Variants in HCN1 observed in about 807,000 individuals in gnomAD.
HCN1 encodes the protein potassium/sodium hyperpolarization-activated cyclic nucleotide-gated channel 1.
In HCN1, 13 loss-of-function variants were observed where a neutral mutation model predicts 78.9. The ratio of observed to expected loss-of-function variants is 0.16; its 90% confidence interval spans 0.11 to 0.26. HCN1 has a LOEUF of 0.26. Ranked by LOEUF, HCN1 falls within the 10% of genes least tolerant of loss-of-function variation. The pLI is 1.00. For missense variants in HCN1, 810 were observed against 1,154.3 expected (o/e 0.70, Z 4.32); for synonymous variants, 552 against 455.5 (o/e 1.21, Z -2.70).
chr5:45,326,178 C>T (rs1746230257), intron 5 of HCN1, among the ~76,000 whole-genome samples: 3 of 151,544 alleles, frequency 2.0e-5, no homozygotes. Context: ...CATGCCTGTA[C>T]TAAAACATCT....
At chr5:45,450,196 AT>A (rs1195377456) in intron 3 of HCN1, among the ~76,000 whole-genome samples, 7 of 152,208 alleles carry the variant, frequency 4.6e-5, no homozygotes, top group African/African-American at 1.7e-4. Context: ...GATAAGCTTC[AT>A]ATTATTTCTG....
chr5:45,360,596 T>C (rs1009204842), intron 4 of HCN1, among the ~76,000 whole-genome samples: 6 of 152,166 alleles, frequency 3.9e-5, no homozygotes, highest in African/African-American at 1.4e-4. Flanking sequence ...AGAACTATGC[T>C]ATAAACACAG....
chr5:45,647,266 C>T (rs1238906514), intron 1 of HCN1, among the ~76,000 whole-genome samples: 1 of 152,128 alleles, frequency 6.6e-6, no homozygotes, highest in African/African-American at 2.4e-5. Flanking sequence ...TATCTTCTCA[C>T]AATGGAAATG....
rs368602775 is a variant in HCN1, at chr5:45,278,790, A to C, written c.1619-11537T>G. On this transcript the variant is annotated intron_variant, in intron 6 of 7. Coordinates refer to ENST00000303230, the MANE Select transcript of HCN1 (RefSeq NM_021072.4). ...TTATATATCTTATTCAGAATGAGTT[A>C]AATTTGGAAAAGAGGCTTGTTTTGA... is the stretch of plus-strand genomic sequence containing the variant. 7.2e-5 allele frequency among the ~76,000 whole-genome samples: 11 copies of C among 152,206 alleles called. No homozygotes were observed. The East Asian group carries it at 1.7e-3, about 24-fold the overall frequency.
intron 3 of HCN1, among the ~76,000 whole-genome samples, chr5:45,419,505 G>A (rs1233913268): frequency 6.6e-6 from 1 of 152,152 alleles, no homozygotes; most frequent in Non-Finnish European, 1.5e-5. Flanking sequence ...CAGTGTTTCT[G>A]TTACCTAAGA....
intron 5 of HCN1, among the ~76,000 whole-genome samples, chr5:45,310,270 C>A (rs757371995): frequency 6.6e-6 from 1 of 151,840 alleles, no homozygotes; most frequent in African/African-American, 2.4e-5. Flanking sequence ...GTGTATCTGA[C>A]AAATGCCTAA....
chr5:45,373,391 A>AAT (rs1197869529), intron 4 of HCN1, among the ~76,000 whole-genome samples: 1 of 105,146 alleles, frequency 9.5e-6, no homozygotes, highest in Non-Finnish European at 1.7e-5. Flanking sequence ...AATATATGTA[A>AAT]ATATATATTA....
At position 45,353,064 on chromosome 5, in the gene HCN1, TTA is replaced by T. The variant is rs765755003; in HGVS notation, c.1377+34_1377+35del. The T allele has an allele frequency of 3.5e-5, 54 of 1,533,418 alleles. 1 individual carries two copies. The Admixed American group carries it at 8.9e-4, about 25-fold the overall frequency. The allele number at this position is 1,533,418 out of a possible 1,614,324, so 95.0% of individuals were successfully genotyped here. A position where few individuals can be genotyped will look rare whatever the true frequency, so the allele number is the denominator to read the frequency against. On this transcript the variant is annotated intron_variant, in intron 5 of 7. Transcript: ENST00000303230. The stretch of plus-strand genomic sequence containing the variant: ...CATGAAGAGAGAAAATAAACAATGA[TTA>T]TGTATTATGCATACTGAGGACAATA...
chr5:45,263,523 G>A (rs1267190404), intron 7 of HCN1, among the ~76,000 whole-genome samples: 5 of 152,198 alleles, frequency 3.3e-5, no homozygotes, highest in Non-Finnish European at 7.3e-5. Flanking sequence ...ATCAGATGTT[G>A]CATTTTACTA....
At chr5:45,648,414 T>G (rs930780989) in intron 1 of HCN1, among the ~76,000 whole-genome samples, 1 of 152,126 alleles carries the variant, frequency 6.6e-6, no homozygotes, top group Non-Finnish European at 1.5e-5. Flanking sequence ...TCAATACCAG[T>G]AGGAAACTCT....
At chr5:45,530,109 G>A (rs1742807521) in intron 2 of HCN1, among the ~76,000 whole-genome samples, 1 of 152,104 alleles carries the variant, frequency 6.6e-6, no homozygotes, top group Admixed American at 6.6e-5. Context: ...AGAAGTCAGA[G>A]TATTTGGGTT....
chr5:45,560,107 T>G (rs186170595), intron 2 of HCN1: 2 of 152,238 alleles, frequency 1.3e-5, no homozygotes, highest in African/African-American at 4.8e-5. Context: ...ACACGTAACT[T>G]TTTTATATAC....
chr5:45,647,417 G>A (rs1745570256), intron 1 of HCN1, among the ~76,000 whole-genome samples: 6 of 152,028 alleles, frequency 3.9e-5, no homozygotes, highest in Admixed American at 3.9e-4. Context: ...TCACTTCTGG[G>A]CACTCCTATC....
At chr5:45,439,384 G>A (rs1036623010) in intron 3 of HCN1, among the ~76,000 whole-genome samples, 14 of 151,774 alleles carry the variant, frequency 9.2e-5, no homozygotes, top group African/African-American at 3.1e-4. Context: ...ATATTATTGG[G>A]GATATGTAAT....
chr5:45,530,412 T>TATATA lies in HCN1; in HGVS notation c.850-68406_850-68405insTATAT, dbSNP rs1554031207. Among the ~76,000 whole-genome samples, 634 of 148,728 alleles carry TATATA rather than the reference T, an allele frequency of 4.3e-3. 6 individuals are homozygous for TATATA. The highest frequency in any genetic ancestry group is 0.015 in the African/African-American group (614 of 40,728). ...GTGGCTTGGGGAAATGATTGTGTTTTTATATATATATATATACATATATAG... is the reference window on the plus strand; with the variant it reads ...GTGGCTTGGGGAAATGATTGTGTTTTATATATATATATATATATATACATATATAG... On this transcript the variant is annotated intron_variant, in intron 2 of 7. Transcript: ENST00000303230.
chr5:45,653,727 A>T (rs1343502241), intron 1 of HCN1, among the ~76,000 whole-genome samples: 1 of 152,112 alleles, frequency 6.6e-6, no homozygotes, highest in African/African-American at 2.4e-5. Flanking sequence ...CAATGAGAAC[A>T]CATGGACACA....
chr5:45,334,265 AT>A (rs1333542793), intron 5 of HCN1, among the ~76,000 whole-genome samples: 1 of 151,862 alleles, frequency 6.6e-6, no homozygotes, highest in African/African-American at 2.4e-5. Flanking sequence ...AAGCAACTAG[AT>A]TTTGGAAATA....
intron 2 of HCN1, among the ~76,000 whole-genome samples, chr5:45,535,139 A>C (rs1742939836): frequency 6.6e-6 from 1 of 152,252 alleles, no homozygotes; most frequent in African/African-American, 2.4e-5. Context: ...TCTTTAAATA[A>C]AGTAAAAAAA....
chr5:45,523,465 A>G (rs1435016786), intron 2 of HCN1, among the ~76,000 whole-genome samples: 3 of 152,166 alleles, frequency 2.0e-5, no homozygotes, highest in African/African-American at 7.2e-5. Context: ...ACTAGTTTAC[A>G]GTCCCACCAA....
Sources: allele counts gnomAD v4.1 joint callset (sites outside exome capture counted in the v4.1 genomes callset), GRCh38; gene constraint gnomAD v4.1.1; transcripts MANE v1.5; gene names NCBI Gene and HGNC (gene_info 2026-07-23, HGNC 2026-07-21).